CAMK2D: variants seen among roughly 807,000 people sequenced by gnomAD.
CAMK2D encodes the protein calcium/calmodulin-dependent protein kinase type II subunit delta.
Under a neutral mutation model 84.0 loss-of-function variants are expected in CAMK2D, and 37 were observed. The observed-to-expected ratio is 0.44, with a 90% CI of 0.34 to 0.58. The LOEUF is 0.58. Ranked by LOEUF, CAMK2D falls within the 20% of genes least tolerant of loss-of-function variation. The pLI is 0.02. For missense variants in CAMK2D, 448 were observed against 652.5 expected, an observed-to-expected ratio of 0.69 and a Z score of 3.41; for synonymous variants, 202 against 212.5, an observed-to-expected ratio of 0.95 and a Z score of 0.43.
intron 2 of CAMK2D, among the ~76,000 whole-genome samples, chr4:113,686,062 CAA>C (rs111982570): frequency 1.7e-4 from 20 of 115,962 alleles, no homozygotes; most frequent in Admixed American, 2.7e-4. Flanking sequence ...GATTCTGTCT[CAA>C]AAAAAAAAAA....
At chr4:113,573,132 G>A (rs779376436) in intron 4 of CAMK2D, among the ~76,000 whole-genome samples, 4 of 152,094 alleles carry the variant, frequency 2.6e-5, no homozygotes, top group Non-Finnish European at 5.9e-5. Context: ...CGTGTACAAC[G>A]AATCCCAGTG....
chr4:113,757,920 T>C (rs1225641703), intron 2 of CAMK2D, among the ~76,000 whole-genome samples: 1 of 152,130 alleles, frequency 6.6e-6, no homozygotes, highest in Admixed American at 6.5e-5. Flanking sequence ...AGTGAAGCAC[T>C]ACACTGATTT....
intron 4 of CAMK2D, among the ~76,000 whole-genome samples, chr4:113,579,284 C>T (rs1192474681): frequency 6.6e-6 from 1 of 152,222 alleles, no homozygotes; most frequent in Non-Finnish European, 1.5e-5. Flanking sequence ...GGAATTACAA[C>T]ACCAATTCTC....
chr4:113,714,617 A>ACCT (rs1487147798), intron 2 of CAMK2D, among the ~76,000 whole-genome samples: 1 of 152,092 alleles, frequency 6.6e-6, no homozygotes, highest in African/African-American at 2.4e-5. Flanking sequence ...TAGTCTCATC[A>ACCT]CAAGAGGAGG....
chr4:113,682,379 A>G (rs1165056435), intron 2 of CAMK2D, among the ~76,000 whole-genome samples: 2 of 152,156 alleles, frequency 1.3e-5, no homozygotes, highest in South Asian at 2.1e-4. Context: ...AGTCACTCAG[A>G]CTTTTATAAA....
intron 12 of CAMK2D, among the ~76,000 whole-genome samples, chr4:113,511,001 T>A (rs17046129): frequency 1.3e-5 from 2 of 152,130 alleles, no homozygotes; most frequent in Admixed American, 1.3e-4. Context: ...CTCAGAATAA[T>A]TGAAATTGCA....
chr4:113,682,136 A>T (rs998486173), intron 2 of CAMK2D, among the ~76,000 whole-genome samples: 2 of 152,190 alleles, frequency 1.3e-5, no homozygotes. Context: ...CAAGAATTAA[A>T]TCAGATTACA....
chr4:113,614,639 T>C (rs13434527), intron 3 of CAMK2D, among the ~76,000 whole-genome samples: 64 of 152,254 alleles, frequency 4.2e-4, no homozygotes, highest in African/African-American at 1.4e-3. Context: ...ATGAATGACC[T>C]CAGCTACAGT....
At chr4:113,688,004 C>T (rs2099364948) in intron 2 of CAMK2D, among the ~76,000 whole-genome samples, 1 of 152,118 alleles carries the variant, frequency 6.6e-6, no homozygotes, top group African/African-American at 2.4e-5. Context: ...ATAAAACATT[C>T]ACTAGGTAGA....
chr4:113,538,189 G>C (rs1337836981), intron 6 of CAMK2D, among the ~76,000 whole-genome samples: 1 of 151,966 alleles, frequency 6.6e-6, no homozygotes, highest in Non-Finnish European at 1.5e-5. Context: ...CTATGAGAAA[G>C]ATATATTTTT....
Position 113,462,306 on chromosome 4 carries a change from GTC to G in CAMK2D, c.1212-2067_1212-2066del, listed in dbSNP as rs1564403446. On this transcript the variant is annotated intron_variant, in intron 17 of 20. Transcript: ENST00000511664. ...TGTGTGTGTGTGTGTCTGTCTGTCT[GTC>G]TGTCTGTCTGTCTGTCTGTCTGTCT... 1.5e-4 allele frequency among the ~76,000 whole-genome samples: 15 copies of G among 96,782 alleles called. No homozygotes were observed. In the South Asian group the frequency reaches 4.9e-3, roughly 32 times the overall value. 63.5% of individuals were successfully genotyped at this position (96,782 alleles called of 152,430 possible).
intron 2 of CAMK2D, among the ~76,000 whole-genome samples, chr4:113,693,249 A>G (rs2099393509): frequency 6.6e-6 from 1 of 152,182 alleles, no homozygotes; most frequent in Non-Finnish European, 1.5e-5. Context: ...ACATTTGTAC[A>G]GTTTATGAGC....
chr4:113,688,446 T>C lies in CAMK2D; in HGVS notation c.161-26674A>G, dbSNP rs115050599. Among the ~76,000 whole-genome samples, 283 of 152,302 alleles carry C rather than the reference T, an allele frequency of 1.9e-3. 1 individual carries two copies. The highest frequency in any genetic ancestry group is 6.4e-3 in the African/African-American group (266 of 41,574). On this transcript the variant is annotated intron_variant, in intron 2 of 20. Coordinates refer to ENST00000511664, the MANE Select transcript of CAMK2D (RefSeq NM_001321571.2). Reference sequence around the variant, plus strand: ...TATGTACTTGACATTAAAAATGGCATAGTAACCTTCATCTATTTACAAAAT... The same window carrying C: ...TATGTACTTGACATTAAAAATGGCACAGTAACCTTCATCTATTTACAAAAT...
chr4:113,626,294 T>C (rs1209340393), intron 3 of CAMK2D, among the ~76,000 whole-genome samples: 7 of 152,124 alleles, frequency 4.6e-5, no homozygotes, highest in Non-Finnish European at 8.8e-5. Flanking sequence ...GAAAAACAAA[T>C]TCATTCTTTA....
chr4:113,699,446 G>A (rs1447962161), intron 2 of CAMK2D, among the ~76,000 whole-genome samples: 2 of 151,982 alleles, frequency 1.3e-5, no homozygotes, highest in Non-Finnish European at 2.9e-5. Context: ...CTAAGAGGTC[G>A]GCTCTCACAG....
At chr4:113,560,210 C>T (rs929428792) in intron 4 of CAMK2D, among the ~76,000 whole-genome samples, 1 of 151,528 alleles carries the variant, frequency 6.6e-6, no homozygotes, top group Non-Finnish European at 1.5e-5. Context: ...CTCCAGTGAG[C>T]GACTCATTTG....
intron 2 of CAMK2D, among the ~76,000 whole-genome samples, chr4:113,733,038 T>A (rs1165237841): frequency 6.6e-6 from 1 of 152,184 alleles, no homozygotes; most frequent in African/African-American, 2.4e-5. Context: ...AGGACAGCTT[T>A]AACAAAAAGT....
intron 16 of CAMK2D, among the ~76,000 whole-genome samples, chr4:113,490,322 A>T (rs551002557): frequency 6.8e-6 from 1 of 147,776 alleles, no homozygotes; most frequent in Non-Finnish European, 1.5e-5. Context: ...TTTTTGTACA[A>T]GGTGTAAGGA....
At chr4:113,595,158 G>T (rs2098918526) in intron 4 of CAMK2D, among the ~76,000 whole-genome samples, 1 of 152,024 alleles carries the variant, frequency 6.6e-6, no homozygotes, top group Non-Finnish European at 1.5e-5. Flanking sequence ...AAAAACCCTA[G>T]AATTCTATAT....
Sources: allele counts gnomAD v4.1 joint callset (sites outside exome capture counted in the v4.1 genomes callset), GRCh38; gene constraint gnomAD v4.1.1; transcripts MANE v1.5; gene names NCBI Gene and HGNC (gene_info 2026-07-23, HGNC 2026-07-21).